Variants in MARCHF1 observed in about 807,000 individuals in gnomAD.
MARCHF1 encodes the protein membrane associated ring-CH-type finger 1, also known as E3 ubiquitin-protein ligase MARCHF1.
In MARCHF1, 40 loss-of-function variants were observed where a neutral mutation model predicts 54.2. The ratio of observed to expected loss-of-function variants is 0.74; its 90% CI spans 0.57 to 0.96. The LOEUF is 0.96. Among genes scored for constraint, MARCHF1 ranks in the 40% least tolerant of loss-of-function variants. MARCHF1 has a pLI of 0.00. For missense variants in MARCHF1, 586 were observed against 656.5 expected, an observed-to-expected ratio of 0.89 and a Z score of 1.17; for synonymous variants, 236 against 236.3, an observed-to-expected ratio of 1.00 and a Z score of 0.01.
At chr4:164,149,660 G>A (rs1406963081) in intron 1 of MARCHF1, among the ~76,000 whole-genome samples, 1 of 152,030 alleles carries the variant, frequency 6.6e-6, no homozygotes, top group African/African-American at 2.4e-5. Flanking sequence ...TTAGATTCGG[G>A]TCAGTAGTAA....
intron 1 of MARCHF1, among the ~76,000 whole-genome samples, chr4:164,278,407 T>A (rs1419651306): frequency 2.0e-5 from 3 of 152,194 alleles, no homozygotes; most frequent in Non-Finnish European, 4.4e-5. Context: ...TCTTCCCAAG[T>A]CACTAAATCA....
intron 1 of MARCHF1, among the ~76,000 whole-genome samples, chr4:164,196,220 GCA>G (rs1426082344): frequency 2.6e-5 from 4 of 152,056 alleles, no homozygotes; most frequent in African/African-American, 9.7e-5. Flanking sequence ...ATGTATAGAT[GCA>G]CAGTCTCTAA....
At chr4:164,373,462 C>T (rs1731097433) in intron 1 of MARCHF1, among the ~76,000 whole-genome samples, 1 of 136,742 alleles carries the variant, frequency 7.3e-6, no homozygotes, top group Non-Finnish European at 1.5e-5. Context: ...TCAAGTGATT[C>T]TCCTGCCTCA....
chr4:163,676,233 T>C (rs1434822493), intron 5 of MARCHF1, among the ~76,000 whole-genome samples: 3 of 147,552 alleles, frequency 2.0e-5, no homozygotes, highest in African/African-American at 7.5e-5. Flanking sequence ...GGCAGGCACC[T>C]GTAATCCCAG....
intron 4 of MARCHF1, among the ~76,000 whole-genome samples, chr4:163,722,829 A>G (rs1256734183): frequency 1.3e-5 from 2 of 152,138 alleles, no homozygotes; most frequent in African/African-American, 2.4e-5. Context: ...ATGTTTTATC[A>G]GAGACTAGGA....
intron 4 of MARCHF1, among the ~76,000 whole-genome samples, chr4:163,796,758 T>G (rs550294756): frequency 2.6e-5 from 4 of 152,270 alleles, no homozygotes; most frequent in Non-Finnish European, 5.9e-5. Flanking sequence ...GTAATTATAT[T>G]CATTAGGCTT....
intron 1 of MARCHF1, among the ~76,000 whole-genome samples, chr4:164,133,522 A>G (rs1756342998): frequency 6.6e-6 from 1 of 152,250 alleles, no homozygotes; most frequent in African/African-American, 2.4e-5. Context: ...ACATTAAAAT[A>G]TAAGCACAAA....
chr4:163,615,655 A>G (rs1469157918), intron 5 of MARCHF1, among the ~76,000 whole-genome samples: 1 of 152,156 alleles, frequency 6.6e-6, no homozygotes, highest in African/African-American at 2.4e-5. Context: ...TACTGTCCAA[A>G]GCAATCTACA....
At chr4:164,262,589 C>G (rs543691393) in intron 1 of MARCHF1, among the ~76,000 whole-genome samples, 41 of 152,248 alleles carry the variant, frequency 2.7e-4, no homozygotes, top group African/African-American at 9.6e-4. Context: ...GTCTTAGAAG[C>G]ACCACTTGTC....
intron 3 of MARCHF1, among the ~76,000 whole-genome samples, chr4:163,929,971 TAA>T (rs200630314): frequency 1.0e-4 from 13 of 126,138 alleles, no homozygotes; most frequent in Non-Finnish European, 1.1e-4. Flanking sequence ...ATAATATATA[TAA>T]TATATATAAT....
At chr4:163,690,925 G>T (rs1744426301) in intron 5 of MARCHF1, among the ~76,000 whole-genome samples, 1 of 152,170 alleles carries the variant, frequency 6.6e-6, no homozygotes, top group Non-Finnish European at 1.5e-5. Flanking sequence ...TTATAAACCT[G>T]CAGAGCCCAA....
chr4:164,212,048 A>T (rs1731787373), intron 1 of MARCHF1, among the ~76,000 whole-genome samples: 1 of 152,094 alleles, frequency 6.6e-6, no homozygotes, highest in Non-Finnish European at 1.5e-5. Context: ...TTTGAAAGCA[A>T]CTAATAATTT....
intron 1 of MARCHF1, among the ~76,000 whole-genome samples, chr4:164,309,529 TTTAGA>T (rs1448027942): frequency 6.6e-6 from 1 of 152,176 alleles, no homozygotes; most frequent in African/African-American, 2.4e-5. Context: ...GGCAGTATTA[TTTAGA>T]TTAGAAGAAG....
chr4:164,335,384 C>A (rs1329661640), intron 1 of MARCHF1, among the ~76,000 whole-genome samples: 2 of 152,082 alleles, frequency 1.3e-5, no homozygotes, highest in Admixed American at 1.3e-4. Context: ...AGATCAAGAC[C>A]GTCCTGGCTA....
intron 4 of MARCHF1, among the ~76,000 whole-genome samples, chr4:163,779,848 T>C (rs1579280814): frequency 1.3e-5 from 2 of 151,934 alleles, no homozygotes; most frequent in Non-Finnish European, 2.9e-5. Flanking sequence ...CCCTATTACA[T>C]AGATCCATCC....
At chr4:164,156,122 A>G (rs1560931185) in intron 1 of MARCHF1, among the ~76,000 whole-genome samples, 1 of 152,138 alleles carries the variant, frequency 6.6e-6, no homozygotes. Flanking sequence ...CTCTTGTTGA[A>G]ATGGGAAATC....
At chr4:164,185,017 A>AATGAGAC (rs1335666356) in intron 1 of MARCHF1, among the ~76,000 whole-genome samples, 61 of 152,386 alleles carry the variant, frequency 4.0e-4, no homozygotes, top group African/African-American at 1.4e-3. Flanking sequence ...TCACAATTTT[A>AATGAGAC]ATGAGACATA....
intron 4 of MARCHF1, among the ~76,000 whole-genome samples, chr4:163,832,574 G>A: frequency 9.7e-6 from 1 of 103,294 alleles, no homozygotes; most frequent in East Asian, 2.7e-4. Flanking sequence ...CTCAAAGTTG[G>A]ATCCAAAATA....
intron 7 of MARCHF1, among the ~76,000 whole-genome samples, chr4:163,601,004 T>C (rs1740944956): frequency 6.6e-6 from 1 of 152,148 alleles, no homozygotes; most frequent in Non-Finnish European, 1.5e-5. Context: ...CTGTGCTGTG[T>C]TTAGGGCTGT....
Sources: allele counts gnomAD v4.1 joint callset (sites outside exome capture counted in the v4.1 genomes callset), GRCh38; gene constraint gnomAD v4.1.1; transcripts MANE v1.5; gene names NCBI Gene and HGNC (gene_info 2026-07-23, HGNC 2026-07-21).